Variants in DEPDC1B observed in about 807,000 individuals in gnomAD.
DEPDC1B encodes DEP domain-containing protein 1B.
In DEPDC1B, 51 loss-of-function variants were observed where a neutral mutation model predicts 66.5. The ratio of observed to expected loss-of-function variants is 0.77; its 90% CI spans 0.61 to 0.97. The LOEUF (loss-of-function observed/expected upper bound fraction) is 0.97, where lower values mean the gene tolerates loss of function less well. Ranked by LOEUF, DEPDC1B falls within the 50% of genes least tolerant of loss-of-function variation. The pLI is 0.00. For synonymous variants in DEPDC1B, 226 were observed against 223.6 expected (o/e 1.01, Z -0.10); for missense variants, 552 against 637.1 (o/e 0.87, Z 1.44).
At chr5:60,700,016 C>T (rs1402736100) in intron 1 of DEPDC1B, 30 bp downstream of exon 1, 2 of 1,548,380 alleles carry the variant, frequency 1.3e-6, no homozygotes, top group Admixed American at 3.9e-5. Context: ...GCACCGGGTG[C>T]TCCGCCCAGG....
At position 60,656,400 on chromosome 5, in the gene DEPDC1B, G is replaced by A. The variant is rs576815154; in HGVS notation, c.315-8867C>T. 1.8e-4 allele frequency among the ~76,000 whole-genome samples: 28 copies of A among 151,994 alleles called. No individual in the cohort carries two copies. The South Asian group carries it at 4.4e-3, about 24-fold the overall frequency. On this transcript the variant is annotated intron_variant, in intron 2 of 10. Coordinates refer to ENST00000265036, the MANE Select transcript of DEPDC1B (RefSeq NM_018369.3). ...CCTGACCTCGTGATCTACCCGCCTCGGCCTCCCAAAGTGCTGGGATTACAG... is the reference window on the plus strand; with the variant it reads ...CCTGACCTCGTGATCTACCCGCCTCAGCCTCCCAAAGTGCTGGGATTACAG...
chr5:60,674,677 T>G (rs770054913), intron 2 of DEPDC1B, among the ~76,000 whole-genome samples: 1 of 152,216 alleles, frequency 6.6e-6, no homozygotes, highest in Non-Finnish European at 1.5e-5. Context: ...TGCTATTTCC[T>G]AGGCCCAAAA....
At position 60,605,892 on chromosome 5, in the gene DEPDC1B, C is replaced by T. The variant is rs777736458; in HGVS notation, c.899-36G>A. 4 of 1,559,952 alleles carry T rather than the reference C, an allele frequency of 2.6e-6. No individual in the cohort carries two copies. In the East Asian group the frequency reaches 9.0e-5, roughly 35 times the overall value. On this transcript the variant is annotated intron_variant, in intron 7 of 10. Coordinates refer to ENST00000265036, the MANE Select transcript of DEPDC1B (RefSeq NM_018369.3). ...AAAAAAAAAATGTTATCTTTCAACA[C>T]CTATAGCCTAGTAGATTCTATATGG...
chr5:60,611,341 T>C (rs751372268), intron 7 of DEPDC1B, among the ~76,000 whole-genome samples: 36 of 152,302 alleles, frequency 2.4e-4, no homozygotes, highest in Admixed American at 1.6e-3. Flanking sequence ...CCTTTGGGCC[T>C]CTCTATTCCC....
chr5:60,651,083 A>G (rs908073514), intron 2 of DEPDC1B, among the ~76,000 whole-genome samples: 2 of 152,238 alleles, frequency 1.3e-5, no homozygotes, highest in Non-Finnish European at 2.9e-5. Flanking sequence ...AAGATGAGAT[A>G]CTGCAAGGAA....
intron 2 of DEPDC1B, among the ~76,000 whole-genome samples, chr5:60,659,907 G>C (rs965324223): frequency 6.6e-6 from 1 of 152,036 alleles, no homozygotes; most frequent in Admixed American, 6.5e-5. Context: ...CTCCAATTTA[G>C]GTATACAGCT....
intron 7 of DEPDC1B, among the ~76,000 whole-genome samples, chr5:60,615,649 T>G (rs1238770308): frequency 6.6e-6 from 1 of 152,156 alleles, no homozygotes. Context: ...GCCGGGAAGC[T>G]TGAACTGGGT....
At chr5:60,624,969 G>A (rs1245716487) in intron 7 of DEPDC1B, among the ~76,000 whole-genome samples, 1 of 143,260 alleles carries the variant, frequency 7.0e-6, no homozygotes, top group Non-Finnish European at 1.5e-5. Context: ...TTGTTCAACT[G>A]CCACTTATGA....
At chr5:60,690,720 T>C (rs1304286228) in intron 1 of DEPDC1B, among the ~76,000 whole-genome samples, 1 of 152,230 alleles carries the variant, frequency 6.6e-6, no homozygotes, top group East Asian at 1.9e-4. Context: ...TAAACTGTAT[T>C]TCTGATCTCA....
intron 2 of DEPDC1B, among the ~76,000 whole-genome samples, chr5:60,674,933 AG>A (rs1431450688): frequency 6.6e-6 from 1 of 152,204 alleles, no homozygotes; most frequent in Admixed American, 6.5e-5. Flanking sequence ...TTCATGCTCC[AG>A]GAACAATCTG....
At chr5:60,685,395 TG>T (rs1754390872) in intron 2 of DEPDC1B, among the ~76,000 whole-genome samples, 1 of 148,158 alleles carries the variant, frequency 6.7e-6, no homozygotes, top group African/African-American at 2.5e-5. Flanking sequence ...TAGTAAATGG[TG>T]AAAAAAAAAA....
chr5:60,695,552 A>G (rs1354166853), intron 1 of DEPDC1B, among the ~76,000 whole-genome samples: 2 of 152,224 alleles, frequency 1.3e-5, no homozygotes, highest in East Asian at 3.8e-4. Flanking sequence ...ACATTTCAAC[A>G]TGAGATTTGG....
chr5:60,632,058 G>A (rs550042526), intron 7 of DEPDC1B, among the ~76,000 whole-genome samples: 2 of 152,296 alleles, frequency 1.3e-5, no homozygotes, highest in South Asian at 4.1e-4. Context: ...CAAAGCTGTT[G>A]GAAATAACCT....
intron 2 of DEPDC1B, among the ~76,000 whole-genome samples, chr5:60,682,273 C>G (rs1205305335): frequency 6.6e-6 from 1 of 152,152 alleles, no homozygotes; most frequent in Non-Finnish European, 1.5e-5. Flanking sequence ...GGACAAAAAA[C>G]CAAACACCAC....
intron 2 of DEPDC1B, among the ~76,000 whole-genome samples, chr5:60,679,688 A>G (rs531222081): frequency 6.6e-6 from 1 of 152,288 alleles, no homozygotes; most frequent in East Asian, 1.9e-4. Context: ...CAGTTCAACC[A>G]CCCACCAGAG....
chr5:60,678,462 T>G (rs1379950525), intron 2 of DEPDC1B, among the ~76,000 whole-genome samples: 2 of 152,228 alleles, frequency 1.3e-5, no homozygotes, highest in East Asian at 3.8e-4. Flanking sequence ...TCAATGTACT[T>G]ATTAACTTTA....
chr5:60,642,619 T>C (rs903900676), intron 6 of DEPDC1B, among the ~76,000 whole-genome samples, 193 bp downstream of exon 6: 1 of 152,168 alleles, frequency 6.6e-6, no homozygotes, highest in South Asian at 2.1e-4. Context: ...CTAAATCCCT[T>C]TAAAACTGTT....
chr5:60,671,974 T>C (rs141099229), intron 2 of DEPDC1B, among the ~76,000 whole-genome samples: 114 of 152,292 alleles, frequency 7.5e-4, no homozygotes, highest in African/African-American at 2.5e-3. Context: ...AGATGTAAAG[T>C]CTTACTGGTG....
rs568156400 is a variant in DEPDC1B at position 60,666,455 on chromosome 5, C to A, written c.315-18922G>T. ...GAGCTCTAAGAACAAAGACCCCCCC[C>A]ATAACACCTCGATGTGGTACTCTCC... On this transcript the variant is annotated intron_variant, in intron 2 of 10. Coordinates refer to ENST00000265036, the MANE Select transcript of DEPDC1B (RefSeq NM_018369.3). Among the ~76,000 whole-genome samples the A allele has an allele frequency of 1.8e-4, 27 of 152,260 alleles. 1 individual carries two copies. In the Middle Eastern group the frequency reaches 0.027, roughly 153 times the overall value.
Sources: gnomAD v4.1 joint callset for allele counts (sites outside exome capture counted in the v4.1 genomes callset) on GRCh38, gnomAD v4.1.1 for gene constraint, MANE v1.5 for transcripts, NCBI Gene and HGNC (gene_info 2026-07-23, HGNC 2026-07-21) for gene names.